Variants in TRPM2 observed in about 807,000 individuals in gnomAD.
TRPM2 encodes transient receptor potential cation channel subfamily M member 2.
Under a neutral mutation model 174.0 loss-of-function variants are expected in TRPM2, and 161 were observed. That is an observed-to-expected ratio of 0.93 (90% CI 0.81 to 1.05). The LOEUF is 1.05. Among genes scored for constraint, TRPM2 ranks in the 50% least tolerant of loss-of-function variants. The probability of loss-of-function intolerance (pLI) is 0.00; values close to 1 mark genes in which losing one functional copy is unlikely to be tolerated. For synonymous variants in TRPM2, 954 were observed against 861.3 expected, an observed-to-expected ratio of 1.11 and a Z score of -1.88; for missense variants, 2,057 against 2,038.0, an observed-to-expected ratio of 1.01 and a Z score of -0.18.
rs1302696672 is a variant in TRPM2, at chr21:44,424,871, C to T, written c.3569C>T (p.Ala1190Val). 6 of 1,606,522 alleles carry T rather than the reference C, an allele frequency of 3.7e-6. No individual in the cohort carries two copies. The South Asian group carries it at 5.6e-5, about 15-fold the overall frequency. ...LEEQVAQTAQALHWIVRTLRA... is the reference protein window; with the variant it reads ...LEEQVAQTAQVLHWIVRTLRA... The stretch of plus-strand genomic sequence containing the variant: ...TTCCAGGTGGCCCAGACAGCCCAAG[C>T]CCTGCACTGGATCGTGAGGACGCTG... Residue 1190 changes from alanine (A) to valine (V), a missense_variant, in exon 24 of 32, where the codon GCC becomes GTC. Ala to Val is a moderately conservative substitution (Grantham distance 64). Coordinates refer to ENST00000397928, the MANE Select transcript of TRPM2 (RefSeq NM_003307.4).
rs1422445443 is a variant in TRPM2 at position 44,438,109 on chromosome 21, C to A, written c.4167+942C>A. Among the ~76,000 whole-genome samples, 1 of 152,250 alleles carries A rather than the reference C, an allele frequency of 6.6e-6. No individual in the cohort carries two copies. The highest frequency in any genetic ancestry group is 6.5e-5 in the Admixed American group (1 of 15,288). Reference sequence around the variant, plus strand: ...GGCCTCTGGGCAGGAACGGGGACTCCGGAGCCCAGGCCCAGCTGCTGGGTC... The same window carrying A: ...GGCCTCTGGGCAGGAACGGGGACTCAGGAGCCCAGGCCCAGCTGCTGGGTC... On this transcript the variant is annotated intron_variant, in intron 29 of 31. Coordinates refer to ENST00000397928, the MANE Select transcript of TRPM2 (RefSeq NM_003307.4). The surrounding 1 kb of genome is among the most constrained non-coding windows in gnomAD (Gnocchi z 5.9).
At chr21:44,415,082 C>T (rs1390452301) in intron 20 of TRPM2, 3 of 152,314 alleles carry the variant, frequency 2.0e-5, no homozygotes, top group African/African-American at 7.2e-5. Flanking sequence ...CCCAGAGCTC[C>T]GATCCATCTG....
intron 4 of TRPM2, among the ~76,000 whole-genome samples, chr21:44,368,922 C>G (rs1165355278): frequency 1.3e-5 from 2 of 152,158 alleles, no homozygotes; most frequent in African/African-American, 2.4e-5. Context: ...CTGAGAACCG[C>G]GATCCTGAGA....
intron 27 of TRPM2, 142 bp from the exon 28 acceptor site, chr21:44,434,989 A>G: frequency 1.3e-6 from 1 of 753,336 alleles, no homozygotes; most frequent in South Asian, 1.7e-5. Flanking sequence ...CCTAGGCCAG[A>G]GCAGGTCTCT....
At chr21:44,422,185 GGCACCTGGGAGGC>G in intron 22 of TRPM2, 1 of 1,451,822 alleles carries the variant, frequency 6.9e-7, no homozygotes, top group Non-Finnish European at 9.1e-7. Context: ...GAAGAAGCTG[GGCACCTGGGAGGC>G]GCATGAGTGT....
intron 21 of TRPM2, 35 bp downstream of exon 21, chr21:44,418,143 G>T (rs1161850422): frequency 1.9e-6 from 3 of 1,588,408 alleles, no homozygotes; most frequent in Non-Finnish European, 2.6e-6. Context: ...TGAATGTCCT[G>T]GCCACCCGGG....
intron 23 of TRPM2, among the ~76,000 whole-genome samples, chr21:44,424,242 C>T (rs2050665871): frequency 6.6e-6 from 1 of 152,210 alleles, no homozygotes; most frequent in South Asian, 2.1e-4. Context: ...CTGCTGCTCC[C>T]AGCCTTGCTC....
chr21:44,397,996 C>T, intron 13 of TRPM2, 120 bp downstream of exon 13: 1 of 1,258,326 alleles, frequency 7.9e-7, no homozygotes, highest in South Asian at 2.1e-5. Context: ...GTCCCTGGGC[C>T]TCAGCCCTGC....
In TRPM2 at chr21:44,425,485, G is replaced by C. The variant is rs928296355; in HGVS notation, c.3638-185G>C. Reference sequence around the variant, plus strand: ...GCGGGGACGCTGCCTGAGCTCCCGTGGCTGTCCTCCCTGGGGGCCCTGCCC... The same window carrying C: ...GCGGGGACGCTGCCTGAGCTCCCGTCGCTGTCCTCCCTGGGGGCCCTGCCC... On this transcript the variant is annotated intron_variant, in intron 24 of 31. Coordinates refer to ENST00000397928, the MANE Select transcript of TRPM2 (RefSeq NM_003307.4). 1.5e-5 allele frequency: 9 copies of C among 592,866 alleles called. No individual in the cohort carries two copies. The African/African-American group carries it at 1.7e-4, about 11-fold the overall frequency. The allele number at this position is 592,866 out of a possible 1,614,324, so 36.7% of individuals were successfully genotyped here.
chr21:44,375,962 C>T lies in TRPM2; in HGVS notation c.901C>T (p.Leu301=). The T allele has an allele frequency of 6.2e-7, 1 of 1,614,090 alleles. No individual in the cohort carries two copies. The highest frequency in any genetic ancestry group is 8.5e-7 in the Non-Finnish European group (1 of 1,180,004). The change falls in exon 6 of 32, where the codon CTG becomes TTG. Residue 301 remains leucine, a synonymous_variant. Transcript: ENST00000397928. ...THGQYGVEIP[L]RTRLEKFISE... ...CGGCCAGTACGGGGTGGAGATTCCTCTGAGGACCAGGCTGGAGAAGTTCAT... is the reference window on the plus strand; with the variant it reads ...CGGCCAGTACGGGGTGGAGATTCCTTTGAGGACCAGGCTGGAGAAGTTCAT...
chr21:44,406,435 G>A (rs555882474), intron 18 of TRPM2, among the ~76,000 whole-genome samples, 159 bp from the exon 19 acceptor site: 1 of 152,134 alleles, frequency 6.6e-6, no homozygotes, highest in South Asian at 2.1e-4. Context: ...CAGTCCACGA[G>A]GGTGTGGGGG....
At position 44,379,191 on chromosome 21, in the gene TRPM2, CA is replaced by C; in HGVS notation, c.1214del (p.Lys405ArgfsTer12). On this transcript the variant is annotated frameshift_variant, in exon 8 of 32. Coordinates refer to ENST00000397928, the MANE Select transcript of TRPM2 (RefSeq NM_003307.4). LOFTEE classifies it high-confidence loss of function. ...FTESRIVEWT[K>X]KIQDIVRRRQ... ...CGGAAAGCAGGATTGTCGAGTGGAC[CA>C]AAAAGGTGAGGCTGACGGGCACGAC... 1 of 1,612,692 alleles carries C rather than the reference CA, an allele frequency of 6.2e-7. No individual in the cohort carries two copies.
intron 19 of TRPM2, among the ~76,000 whole-genome samples, chr21:44,408,777 C>T (rs2049992351): frequency 6.6e-6 from 1 of 151,762 alleles, no homozygotes; most frequent in Admixed American, 6.6e-5. Flanking sequence ...CCTGCCTCAG[C>T]CTCCCGAGTA....
intron 18 of TRPM2, 62 bp downstream of exon 18, chr21:44,406,099 G>C: frequency 6.3e-7 from 1 of 1,583,204 alleles, no homozygotes. Flanking sequence ...CTCGGGGAGG[G>C]CAGGCCCCTT....
At position 44,414,144 on chromosome 21, in the gene TRPM2, C is replaced by CTT; in HGVS notation, c.3146+71_3146+72insTT. On this transcript the variant is annotated intron_variant, in intron 20 of 31. Coordinates refer to ENST00000397928, the MANE Select transcript of TRPM2 (RefSeq NM_003307.4). ...GCGTTCCTGGGCCGCAGTGGCCATG[C>CTT]TGTCTCCAGGGTCTCGTGGACAGTG... is the stretch of plus-strand genomic sequence containing the variant. 3 of 1,544,748 alleles carry CTT rather than the reference C, an allele frequency of 1.9e-6. No homozygotes were observed. The South Asian group carries it at 3.5e-5, about 18-fold the overall frequency.
chr21:44,412,713 C>G (rs2050144703), intron 19 of TRPM2, among the ~76,000 whole-genome samples: 1 of 151,834 alleles, frequency 6.6e-6, no homozygotes, highest in African/African-American at 2.4e-5. Flanking sequence ...AATGTCCTTT[C>G]AATCAAAGAG....
At position 44,399,247 on chromosome 21, in the gene TRPM2, C is replaced by T; in HGVS notation, c.2063-49C>T. The T allele has an allele frequency of 6.3e-7, 1 of 1,581,396 alleles. No homozygotes were observed. Among genetic ancestry groups the T allele is most frequent in the Non-Finnish European group, 8.6e-7 (1 of 1,160,440 alleles). ...TGCCCTCTGACCCGTCCCCAGGGCT[C>T]AGTGATTGTGACCTGCTGCTCTGAC... On this transcript the variant is annotated intron_variant, in intron 13 of 31. Coordinates refer to ENST00000397928, the MANE Select transcript of TRPM2 (RefSeq NM_003307.4). The surrounding 1 kb of genome is among the most constrained non-coding windows in gnomAD (Gnocchi z 4.6).
chr21:44,360,824 C>T (rs149716990), intron 2 of TRPM2, among the ~76,000 whole-genome samples: 244 of 152,296 alleles, frequency 1.6e-3, no homozygotes, highest in African/African-American at 5.7e-3. Flanking sequence ...GCCTCGGCCT[C>T]CCAAAGTGCT....
Position 44,391,082 on chromosome 21 carries a change from A to G in TRPM2, c.1440+57A>G. ...CTACTGGGCCCACATGCATTGCACC[A>G]CTGAAGCAAGGGCAGGCAAAGTTCG... is the stretch of plus-strand genomic sequence containing the variant. On this transcript the variant is annotated intron_variant, in intron 10 of 31. Coordinates refer to ENST00000397928, the MANE Select transcript of TRPM2 (RefSeq NM_003307.4). This position sits in a 1 kb window ranked among gnomAD's most constrained non-coding sequence, Gnocchi z 5.0. The G allele has an allele frequency of 6.2e-7, 1 of 1,607,414 alleles. No individual in the cohort carries two copies. Among genetic ancestry groups the G allele is most frequent in the Non-Finnish European group, 8.5e-7 (1 of 1,175,520 alleles).
Sources: allele counts gnomAD v4.1 joint callset (sites outside exome capture counted in the v4.1 genomes callset), GRCh38; gene constraint gnomAD v4.1.1; non-coding constraint Gnocchi (gnomAD v3.1); transcripts MANE v1.5; gene names NCBI Gene and HGNC (gene_info 2026-07-23, HGNC 2026-07-21).